The following HS6ST3 variants were observed in gnomAD, a reference collection of about 807,000 sequenced individuals.
HS6ST3 encodes the protein heparan sulfate 6-O-sulfotransferase 3.
A neutral mutation model predicts 36.7 loss-of-function variants in HS6ST3; 12 were observed. The ratio of observed to expected loss-of-function variants is 0.33; its 90% CI spans 0.21 to 0.53. The LOEUF is 0.53. Among genes scored for constraint, HS6ST3 ranks in the 20% least tolerant of loss-of-function variants. The probability of loss-of-function intolerance (pLI) is 0.95; values close to 1 mark genes in which losing one functional copy is unlikely to be tolerated. For missense variants in HS6ST3, 584 were observed against 640.9 expected (o/e 0.91, Z 0.96); for synonymous variants, 240 against 257.5 (o/e 0.93, Z 0.65).
chr13:96,703,056 G>A (rs1356953195), intron 1 of HS6ST3, among the ~76,000 whole-genome samples: 1 of 152,176 alleles, frequency 6.6e-6, no homozygotes, highest in African/African-American at 2.4e-5. Flanking sequence ...CCAAGGCCAG[G>A]CTTCTTGCAG....
intron 1 of HS6ST3, among the ~76,000 whole-genome samples, chr13:96,370,701 C>G (rs1441936556): frequency 6.6e-6 from 1 of 152,174 alleles, no homozygotes; most frequent in Non-Finnish European, 1.5e-5. Context: ...CACCTGAGAT[C>G]AGGAGTTCGA....
intron 1 of HS6ST3, among the ~76,000 whole-genome samples, chr13:96,267,720 G>A (rs1462787304): frequency 2.6e-5 from 4 of 151,980 alleles, no homozygotes; most frequent in Non-Finnish European, 4.4e-5. Flanking sequence ...TATAACATTA[G>A]CAAGATGGTT....
intron 1 of HS6ST3, among the ~76,000 whole-genome samples, chr13:96,416,610 T>C (rs1266193801): frequency 6.6e-6 from 1 of 152,106 alleles, no homozygotes; most frequent in African/African-American, 2.4e-5. Context: ...CATAAAGGTA[T>C]TAGGTAGTTA....
At chr13:96,461,282 A>G (rs2055782973) in intron 1 of HS6ST3, among the ~76,000 whole-genome samples, 1 of 152,250 alleles carries the variant, frequency 6.6e-6, no homozygotes, top group Non-Finnish European at 1.5e-5. Context: ...TCAAAAACTG[A>G]CAGTTCAGCA....
At chr13:96,600,534 T>C (rs2056417693) in intron 1 of HS6ST3, among the ~76,000 whole-genome samples, 1 of 152,074 alleles carries the variant, frequency 6.6e-6, no homozygotes, top group Non-Finnish European at 1.5e-5. Context: ...TTTTCCCACC[T>C]TTTGACCTTG....
chr13:96,378,633 C>T (rs113509540), intron 1 of HS6ST3, among the ~76,000 whole-genome samples: 15 of 152,204 alleles, frequency 9.9e-5, no homozygotes, highest in East Asian at 5.8e-4. Flanking sequence ...CTTTCTATGA[C>T]GGCCCCTTAA....
intron 1 of HS6ST3, among the ~76,000 whole-genome samples, chr13:96,814,955 T>C (rs1878390728): frequency 6.6e-6 from 1 of 152,230 alleles, no homozygotes; most frequent in Non-Finnish European, 1.5e-5. Flanking sequence ...TTATATTTAT[T>C]GAAAAGACTC....
chr13:96,190,815 G>A (rs1277549786), intron 1 of HS6ST3, among the ~76,000 whole-genome samples: 2 of 152,154 alleles, frequency 1.3e-5, no homozygotes, highest in Non-Finnish European at 2.9e-5. Context: ...GGAGAAACCA[G>A]GAATGTGAAG....
At chr13:96,340,543 T>C (rs1454652930) in intron 1 of HS6ST3, among the ~76,000 whole-genome samples, 1 of 152,196 alleles carries the variant, frequency 6.6e-6, no homozygotes, top group Non-Finnish European at 1.5e-5. Context: ...GTGAGGACCC[T>C]GATTCTGATG....
chr13:96,595,708 T>C (rs1408359732), intron 1 of HS6ST3, among the ~76,000 whole-genome samples: 1 of 152,116 alleles, frequency 6.6e-6, no homozygotes, highest in Non-Finnish European at 1.5e-5. Flanking sequence ...GAATCCTTTC[T>C]TCATTCCTTT....
At chr13:96,737,633 A>C (rs1876321354) in intron 1 of HS6ST3, among the ~76,000 whole-genome samples, 1 of 35,324 alleles carries the variant, frequency 2.8e-5, no homozygotes. Flanking sequence ...CTCCGTCTCA[A>C]AAAAAAAAAA....
intron 1 of HS6ST3, among the ~76,000 whole-genome samples, chr13:96,338,197 C>T (rs2055111471): frequency 6.6e-6 from 1 of 151,980 alleles, no homozygotes; most frequent in Non-Finnish European, 1.5e-5. Flanking sequence ...GCTGCAGTTG[C>T]TATGTAAGGG....
At chr13:96,710,370 C>T (rs1875531554) in intron 1 of HS6ST3, among the ~76,000 whole-genome samples, 1 of 152,252 alleles carries the variant, frequency 6.6e-6, no homozygotes, top group Non-Finnish European at 1.5e-5. Context: ...TGGGTCATGC[C>T]TGCATCCCAC....
At chr13:96,504,572 G>T (rs1348929266) in intron 1 of HS6ST3, among the ~76,000 whole-genome samples, 1 of 152,076 alleles carries the variant, frequency 6.6e-6, no homozygotes, top group Non-Finnish European at 1.5e-5. Context: ...TAAAATAAAA[G>T]TAAAAGAGAG....
chr13:96,639,049 C>T (rs191019504), intron 1 of HS6ST3, among the ~76,000 whole-genome samples: 4 of 152,084 alleles, frequency 2.6e-5, no homozygotes, highest in African/African-American at 9.6e-5. Flanking sequence ...TGAGGGGAGA[C>T]TTCAACAGAT....
At chr13:96,508,058 C>G (rs999801916) in intron 1 of HS6ST3, among the ~76,000 whole-genome samples, 2 of 152,026 alleles carry the variant, frequency 1.3e-5, no homozygotes, top group Non-Finnish European at 2.9e-5. Flanking sequence ...CCTATTGACT[C>G]TCTGCTGTGA....
chr13:96,573,823 C>T (rs1462418398), intron 1 of HS6ST3: 2 of 402,482 alleles, frequency 5.0e-6, no homozygotes, highest in East Asian at 6.5e-5. Context: ...TTGGACTTAA[C>T]TCTGGGACCT....
chr13:96,730,490 C>A (rs1876121662), intron 1 of HS6ST3, among the ~76,000 whole-genome samples: 1 of 152,114 alleles, frequency 6.6e-6, no homozygotes, highest in Admixed American at 6.5e-5. Flanking sequence ...TCTCTCATTC[C>A]TACCCTCCCC....
chr13:96,654,022 G>A (rs1420083816), intron 1 of HS6ST3, among the ~76,000 whole-genome samples: 1 of 152,110 alleles, frequency 6.6e-6, no homozygotes, highest in Non-Finnish European at 1.5e-5. Context: ...AGAAGTGTCT[G>A]TTCATATCCT....
Sources: gnomAD v4.1 joint callset for allele counts (sites outside exome capture counted in the v4.1 genomes callset) on GRCh38, gnomAD v4.1.1 for gene constraint, MANE v1.5 for transcripts, NCBI Gene and HGNC (gene_info 2026-07-23, HGNC 2026-07-21) for gene names.